Variants in FHIT observed in about 807,000 individuals in gnomAD.
FHIT encodes fragile histidine triad diadenosine triphosphatase, also known as bis(5'-adenosyl)-triphosphatase.
Under a neutral mutation model 17.9 loss-of-function variants are expected in FHIT, and 19 were observed. The observed-to-expected ratio is 1.06, with a 90% CI of 0.74 to 1.56. FHIT has a LOEUF of 1.56. FHIT is among the 40% of genes most tolerant of loss of function. The pLI is 0.00. For missense variants in FHIT, 248 were observed against 189.2 expected (o/e 1.31, Z -1.82); for synonymous variants, 81 against 69.7 (o/e 1.16, Z -0.81).
At chr3:60,957,059 A>G (rs1325134885) in intron 3 of FHIT, among the ~76,000 whole-genome samples, 1 of 152,104 alleles carries the variant, frequency 6.6e-6, no homozygotes, top group Non-Finnish European at 1.5e-5. Context: ...AAATACACAC[A>G]TCAGCTAAAC....
intron 4 of FHIT, among the ~76,000 whole-genome samples, chr3:60,558,130 T>G (rs2036806365): frequency 1.3e-5 from 2 of 152,012 alleles, no homozygotes; most frequent in Non-Finnish European, 2.9e-5. Context: ...TCTTTGCCTT[T>G]GTGTATCGCA....
chr3:60,441,317 A>G (rs1365537312), intron 5 of FHIT, among the ~76,000 whole-genome samples: 1 of 152,080 alleles, frequency 6.6e-6, no homozygotes, highest in African/African-American at 2.4e-5. Flanking sequence ...ACATAACTGT[A>G]CAAGTTTCTA....
chr3:60,536,540 C>A (rs2035987055), intron 5 of FHIT: 1 of 233,592 alleles, frequency 4.3e-6, no homozygotes, highest in Admixed American at 5.6e-5. Flanking sequence ...ATTCACTGGG[C>A]TCATTTTAGA....
Position 59,766,451 on chromosome 3 carries a change from G to C in FHIT, c.349-14130C>G, listed in dbSNP as rs142904253. ...GTATCCCTTCACTGAATCCCGACTA[G>C]GATCTATTTTGGGTATAGCACTTCA... On this transcript the variant is annotated intron_variant, in intron 8 of 9. Transcript: ENST00000492590. Among the ~76,000 whole-genome samples, 225 of 152,232 alleles carry C rather than the reference G, an allele frequency of 1.5e-3. 4 individuals carry two copies. The highest frequency in any genetic ancestry group is 3.1e-4 in the Non-Finnish European group (21 of 68,010).
chr3:61,096,886 G>T (rs1185518592), intron 2 of FHIT, among the ~76,000 whole-genome samples: 1 of 152,080 alleles, frequency 6.6e-6, no homozygotes, highest in Non-Finnish European at 1.5e-5. Context: ...CAAGGCAGGT[G>T]CAACACCTGA....
intron 8 of FHIT, among the ~76,000 whole-genome samples, chr3:59,788,778 A>C (rs1028523092): frequency 6.6e-6 from 1 of 151,942 alleles, no homozygotes; most frequent in African/African-American, 2.4e-5. Flanking sequence ...TTGATGAGGT[A>C]CAAGAAAGGA....
chr3:60,247,632 T>C (rs905246286), intron 5 of FHIT, among the ~76,000 whole-genome samples: 2 of 152,190 alleles, frequency 1.3e-5, no homozygotes, highest in African/African-American at 4.8e-5. Context: ...TCTCAACTTA[T>C]GAGTCTCACA....
intron 4 of FHIT, among the ~76,000 whole-genome samples, chr3:60,684,692 T>A (rs1377403662): frequency 2.6e-5 from 4 of 152,010 alleles, no homozygotes; most frequent in Non-Finnish European, 5.9e-5. Context: ...TCCTTTCCAA[T>A]ACCCAGACAG....
intron 5 of FHIT, among the ~76,000 whole-genome samples, chr3:60,063,540 A>C (rs212004): frequency 0.76 from 116,272 of 152,090 alleles, 45,802 homozygotes; most frequent in African/African-American, 0.88. Flanking sequence ...ATCTACCTAA[A>C]AAACATGCCA....
At chr3:60,600,718 C>T (rs569984613) in intron 4 of FHIT, among the ~76,000 whole-genome samples, 151 of 152,208 alleles carry the variant, frequency 9.9e-4, no homozygotes, top group Non-Finnish European at 1.8e-3. Context: ...TATGGACTGA[C>T]AGAAGGGGAG....
At chr3:60,441,756 A>ATTTGT (rs1415725744) in intron 5 of FHIT, among the ~76,000 whole-genome samples, 3 of 58,122 alleles carry the variant, frequency 5.2e-5, no homozygotes, top group African/African-American at 1.4e-4. Context: ...ATATATATAA[A>ATTTGT]AATATATATA....
intron 5 of FHIT, among the ~76,000 whole-genome samples, chr3:60,187,976 A>C (rs1394730549): frequency 6.6e-6 from 1 of 152,160 alleles, no homozygotes; most frequent in Non-Finnish European, 1.5e-5. Flanking sequence ...ATAATGAAAA[A>C]GGCAAGGTTT....
intron 5 of FHIT, among the ~76,000 whole-genome samples, chr3:60,494,387 G>C (rs1436770975): frequency 6.6e-6 from 1 of 152,042 alleles, no homozygotes; most frequent in Non-Finnish European, 1.5e-5. Context: ...GACATGTTTT[G>C]ATACAGACAT....
chr3:60,027,976 T>C (rs1045586890), intron 5 of FHIT, among the ~76,000 whole-genome samples: 15 of 152,206 alleles, frequency 9.9e-5, no homozygotes, highest in African/African-American at 3.6e-4. Context: ...AATTTTACAT[T>C]TAAAAATTAA....
chr3:60,927,983 G>C (rs1707739566), intron 3 of FHIT, among the ~76,000 whole-genome samples: 1 of 152,204 alleles, frequency 6.6e-6, no homozygotes. Flanking sequence ...TTCTGCCTTG[G>C]GATGCTGTTA....
chr3:60,708,265 A>C (rs1553704037), intron 4 of FHIT, among the ~76,000 whole-genome samples: 1 of 152,232 alleles, frequency 6.6e-6, no homozygotes, highest in Non-Finnish European at 1.5e-5. Context: ...ACACAGCCTT[A>C]CTAATGGGCA....
At chr3:60,907,121 T>A (rs1276588741) in intron 3 of FHIT, among the ~76,000 whole-genome samples, 1 of 152,086 alleles carries the variant, frequency 6.6e-6, no homozygotes, top group Non-Finnish European at 1.5e-5. Flanking sequence ...AGATACTAAT[T>A]TCAAGGCAAA....
intron 8 of FHIT, among the ~76,000 whole-genome samples, chr3:59,876,812 A>G (rs905712030): frequency 7.9e-5 from 12 of 152,104 alleles, no homozygotes; most frequent in African/African-American, 2.9e-4. Context: ...AGAGGAAGCT[A>G]CCCTTTTTCA....
chr3:61,224,235 T>A (rs961098238), intron 1 of FHIT, among the ~76,000 whole-genome samples: 2 of 152,190 alleles, frequency 1.3e-5, no homozygotes, highest in African/African-American at 4.8e-5. Context: ...AGTTTTTATG[T>A]CAATTCAAAA....
Sources: allele counts gnomAD v4.1 joint callset (sites outside exome capture counted in the v4.1 genomes callset), GRCh38; gene constraint gnomAD v4.1.1; transcripts MANE v1.5; gene names NCBI Gene and HGNC (gene_info 2026-07-23, HGNC 2026-07-21).